DOCK10: variants seen among roughly 807,000 people sequenced by gnomAD.
DOCK10 encodes the protein dedicator of cytokinesis protein 10.
DOCK10 carries 145 observed loss-of-function variants against 280.1 expected under a neutral mutation model. The observed-to-expected ratio is 0.52, with a 90% CI of 0.45 to 0.59. The LOEUF (loss-of-function observed/expected upper bound fraction) is 0.59, where lower values mean the gene tolerates loss of function less well. Among genes scored for constraint, DOCK10 ranks in the 20% least tolerant of loss-of-function variants. DOCK10 has a pLI of 0.00. For missense variants in DOCK10, 2,368 were observed against 2,651.7 expected, an observed-to-expected ratio of 0.89 and a Z score of 2.35; for synonymous variants, 915 against 942.2, an observed-to-expected ratio of 0.97 and a Z score of 0.53.
At position 225,035,560 on chromosome 2, in the gene DOCK10, A is replaced by AT. The variant is rs1278432998; in HGVS notation, c.123+6691dup. On this transcript the variant is annotated intron_variant, in intron 1 of 55. Transcript: ENST00000258390. ...ATATATATTATATATATATATATAT[A>AT]TATATATATATATATATATATATAT... Among the ~76,000 whole-genome samples the AT allele has an allele frequency of 1.2e-3, 60 of 49,794 alleles. 2 individuals are homozygous for AT. Among genetic ancestry groups the AT allele is most frequent in the Admixed American group, 2.4e-3 (11 of 4,604 alleles). 32.7% of individuals were successfully genotyped at this position (49,794 alleles called of 152,430 possible).
chr2:224,926,660 T>TA (rs1702061088), intron 2 of DOCK10, among the ~76,000 whole-genome samples: 1 of 152,222 alleles, frequency 6.6e-6, no homozygotes, highest in Non-Finnish European at 1.5e-5. Context: ...TTTAAGGTGA[T>TA]ATGTTGAGTT....
At chr2:224,848,842 A>G (rs1021557577) in intron 19 of DOCK10, among the ~76,000 whole-genome samples, 15 of 152,352 alleles carry the variant, frequency 9.8e-5, no homozygotes, top group Admixed American at 9.1e-4. Context: ...AAATGCTGCC[A>G]TTCATTGGTA....
intron 2 of DOCK10, among the ~76,000 whole-genome samples, chr2:224,922,191 C>G (rs1032544151): frequency 6.7e-6 from 1 of 150,200 alleles, no homozygotes; most frequent in Non-Finnish European, 1.5e-5. Context: ...GGCACTTCTT[C>G]TCATTTTAGA....
At position 224,876,064 on chromosome 2, in the gene DOCK10, C is replaced by T. The variant is rs567920857; in HGVS notation, c.905G>A (p.Ser302Asn). ...SPEGPLQGRR[S>N]TELTDLGLDS... is the part of the protein sequence containing the mutation. Reference sequence around the variant, plus strand: ...CAGACCCAGATCAGTGAGCTCTGTGCTCCTCCTCCCTTGGAGGGGCCCCTC... The same window carrying T: ...CAGACCCAGATCAGTGAGCTCTGTGTTCCTCCTCCCTTGGAGGGGCCCCTC... The change falls in exon 8 of 56, where the codon AGC (serine) becomes AAC (asparagine). Residue 302 changes from serine to asparagine, a missense_variant. Around this residue, in one of 2 missense-constraint regions of DOCK10, gnomAD observed 1,209 missense variants for 1,250.9 expected, o/e 0.97. Coordinates refer to ENST00000258390, the MANE Select transcript of DOCK10 (RefSeq NM_014689.3). 6 of 1,613,624 alleles carry T rather than the reference C, an allele frequency of 3.7e-6. No individual in the cohort carries two copies. In the East Asian group the frequency reaches 1.1e-4, roughly 30 times the overall value.
rs889135211 is a variant in DOCK10, at chr2:224,820,488, G to A, written c.3184-959C>T. Among the ~76,000 whole-genome samples the A allele has an allele frequency of 4.6e-5, 7 of 152,224 alleles. No individual in the cohort carries two copies. The East Asian group carries it at 5.8e-4, about 13-fold the overall frequency. ...TGTGAGTCTCATTCTATTCACCCAC[G>A]TGGGTGTGAGTAAACATGCTGCTTG... is the stretch of plus-strand genomic sequence containing the variant. On this transcript the variant is annotated intron_variant, in intron 28 of 55. Coordinates refer to ENST00000258390, the MANE Select transcript of DOCK10 (RefSeq NM_014689.3).
At chr2:224,857,650 A>G (rs985070585) in intron 14 of DOCK10, among the ~76,000 whole-genome samples, 4 of 152,234 alleles carry the variant, frequency 2.6e-5, no homozygotes, top group Non-Finnish European at 5.9e-5. Context: ...CAAATAATAT[A>G]GTAATGTCAG....
intron 1 of DOCK10, among the ~76,000 whole-genome samples, chr2:224,956,146 T>C (rs528307830): frequency 6.6e-6 from 1 of 152,314 alleles, no homozygotes; most frequent in East Asian, 1.9e-4. Flanking sequence ...ATACAAGCAC[T>C]GAGACTTGAT....
Position 225,042,270 on chromosome 2 carries a change from G to T in DOCK10, c.105C>A (p.Ser35Arg). The T allele has an allele frequency of 7.5e-7, 1 of 1,325,830 alleles. No individual in the cohort carries two copies. The highest frequency in any genetic ancestry group is 9.6e-7 in the Non-Finnish European group (1 of 1,038,016). 82.1% of individuals were successfully genotyped at this position (1,325,830 alleles called of 1,614,324 possible). The change falls in exon 1 of 56, where the codon AGC becomes AGA. Residue 35 changes from serine (S) to arginine (R), a missense_variant. This residue lies in a region of DOCK10 where 1,209 missense variants were observed against 1,250.9 expected (regional missense o/e 0.97). Transcript: ENST00000258390. The surrounding 1 kb of genome is among the most constrained non-coding windows in gnomAD (Gnocchi z 5.1). ...CACTCACCCGCTGCTGCTGCCGGCT[G>T]CTGACTGCCACCGCGGCGGCGGACG... ...SAASAAAVAV[S>R]SRQQQRQEKP...
intron 1 of DOCK10, among the ~76,000 whole-genome samples, chr2:225,031,021 T>C (rs1238116030): frequency 6.6e-6 from 1 of 152,170 alleles, no homozygotes; most frequent in Non-Finnish European, 1.5e-5. Context: ...TTGGCAAGCA[T>C]TTAGTAAGCA....
At chr2:224,916,016 G>A (rs1979962) in intron 3 of DOCK10, among the ~76,000 whole-genome samples, 35,169 of 152,198 alleles carry the variant, frequency 0.23, 4,553 homozygotes, top group Non-Finnish European at 0.28. Context: ...GGTGGGAAGC[G>A]TTTGGATCAT....
chr2:225,019,894 C>T (rs1412121135), intron 1 of DOCK10, among the ~76,000 whole-genome samples: 1 of 152,208 alleles, frequency 6.6e-6, no homozygotes, highest in African/African-American at 2.4e-5. Context: ...TTCTGTCAAG[C>T]TATGTGACCA....
intron 43 of DOCK10, 67 bp from the exon 44 acceptor site, chr2:224,796,493 G>A: frequency 3.1e-6 from 3 of 982,784 alleles, no homozygotes; most frequent in South Asian, 2.9e-5. Context: ...GAAATCCACT[G>A]GGCTGGGTAA....
intron 3 of DOCK10, among the ~76,000 whole-genome samples, chr2:224,902,917 C>G (rs561825207): frequency 6.6e-6 from 1 of 152,032 alleles, no homozygotes; most frequent in South Asian, 2.1e-4. Flanking sequence ...CACAGTGAAA[C>G]CCCGTCTCTA....
At chr2:224,956,250 TG>T (rs1173975743) in intron 1 of DOCK10, among the ~76,000 whole-genome samples, 1 of 152,186 alleles carries the variant, frequency 6.6e-6, no homozygotes, top group African/African-American at 2.4e-5. Flanking sequence ...ATGGATAAGT[TG>T]TTTAAAATGT....
intron 1 of DOCK10, chr2:224,982,170 TC>T (rs780234683): frequency 4.5e-5 from 55 of 1,223,048 alleles, no homozygotes; most frequent in Non-Finnish European, 5.1e-5. Flanking sequence ...TAATAACAGT[TC>T]AATCCACTGA....
At chr2:224,956,092 C>T (rs1704017194) in intron 1 of DOCK10, among the ~76,000 whole-genome samples, 1 of 152,146 alleles carries the variant, frequency 6.6e-6, no homozygotes, top group Admixed American at 6.5e-5. Context: ...CATCTGAAAA[C>T]AAAGGAGAAC....
At chr2:224,957,076 T>G (rs921730471) in intron 1 of DOCK10, among the ~76,000 whole-genome samples, 70 of 152,308 alleles carry the variant, frequency 4.6e-4, no homozygotes, top group African/African-American at 1.6e-3. Context: ...TGTTTGTGTG[T>G]GGGGGTGTCC....
At chr2:224,807,571 T>A (rs964110500) in intron 33 of DOCK10, 97 bp downstream of exon 33, 27 of 773,874 alleles carry the variant, frequency 3.5e-5, no homozygotes, top group Non-Finnish European at 5.6e-5. Flanking sequence ...CCTAGTATGT[T>A]CACAGATGAG....
At chr2:224,936,112 T>A (rs1363011760) in intron 1 of DOCK10, among the ~76,000 whole-genome samples, 1 of 152,170 alleles carries the variant, frequency 6.6e-6, no homozygotes, top group Non-Finnish European at 1.5e-5. Context: ...AATGCTGTGA[T>A]GTGCTTTGGG....
Sources: gnomAD v4.1 joint callset for allele counts (sites outside exome capture counted in the v4.1 genomes callset) on GRCh38, gnomAD v4.1.1 for gene constraint, gnomAD v4.1.1 regional missense constraint, Gnocchi (gnomAD v3.1) non-coding constraint, MANE v1.5 for transcripts, NCBI Gene and HGNC (gene_info 2026-07-23, HGNC 2026-07-21) for gene names.